TESC: variants seen among roughly 807,000 people sequenced by gnomAD.
The protein encoded by TESC is tescalcin.
TESC carries 19 observed loss-of-function variants against 31.0 expected under a neutral mutation model. That is an observed-to-expected ratio of 0.61 (90% confidence interval 0.43 to 0.90). TESC has a LOEUF of 0.90. TESC is among the 40% of genes least tolerant of loss of function. The pLI, the probability that TESC is intolerant of heterozygous loss-of-function variation, is 0.00. For synonymous variants in TESC, 109 were observed against 114.8 expected (o/e 0.95, Z 0.32); for missense variants, 248 against 303.8 (o/e 0.82, Z 1.36).
chr12:117,044,305 A>G (rs1954525678), intron 6 of TESC, among the ~76,000 whole-genome samples: 1 of 152,044 alleles, frequency 6.6e-6, no homozygotes, highest in Non-Finnish European at 1.5e-5. Flanking sequence ...AAAAAAAATG[A>G]AACCCAGCAG....
intron 7 of TESC, among the ~76,000 whole-genome samples, chr12:117,041,716 G>A (rs981218990): frequency 6.6e-6 from 1 of 152,198 alleles, no homozygotes; most frequent in African/African-American, 2.4e-5. Context: ...CTTTTGTACT[G>A]CTTACATTGT....
Position 117,075,209 on chromosome 12 carries a change from C to T in TESC, c.128+62G>A, listed in dbSNP as rs147607624. On this transcript the variant is annotated intron_variant, in intron 2 of 7. Coordinates refer to ENST00000335209, the MANE Select transcript of TESC (RefSeq NM_017899.4). The stretch of plus-strand genomic sequence containing the variant: ...GCTACTCAGCACTCAAGAAAAGAAA[C>T]AGGACAAGAAATTTGCAAGGGCATG... 11 of 1,534,898 alleles carry T rather than the reference C, an allele frequency of 7.2e-6. No homozygotes were observed. The East Asian group carries it at 2.3e-4, about 32-fold the overall frequency.
chr12:117,056,825 G>A lies in TESC; in HGVS notation c.190C>T (p.Arg64Cys), dbSNP rs751766984. ...ELNPIRSKIV[R>C]AFFDNRNLRK... Reference sequence around the variant, plus strand: ...GCCCACCTGTTGTCGAAGAAGGCACGAACAATTTTGGATCGGATGGGGTTG... The same window carrying A: ...GCCCACCTGTTGTCGAAGAAGGCACAAACAATTTTGGATCGGATGGGGTTG... Residue 64 changes from arginine to cysteine, a missense_variant, in exon 3 of 8, where the codon CGT becomes TGT. Transcript: ENST00000335209. The A allele has an allele frequency of 1.7e-5, 28 of 1,614,030 alleles. No homozygotes were observed. In the Middle Eastern group the frequency reaches 1.2e-3, roughly 66 times the overall value.
intron 4 of TESC, chr12:117,048,673 C>A (rs2291911): frequency 6.2e-6 from 3 of 485,200 alleles, no homozygotes; most frequent in African/African-American, 3.9e-5. Context: ...CACGCATGAT[C>A]GGCATACCCA....
At chr12:117,097,464 C>A (rs1368123073) in intron 1 of TESC, among the ~76,000 whole-genome samples, 1 of 152,108 alleles carries the variant, frequency 6.6e-6, no homozygotes, top group African/African-American at 2.4e-5. Flanking sequence ...GCCGGAGAGC[C>A]CACCCTTCCA....
chr12:117,086,845 T>C (rs1955225581), intron 1 of TESC, among the ~76,000 whole-genome samples: 1 of 152,236 alleles, frequency 6.6e-6, no homozygotes, highest in Non-Finnish European at 1.5e-5. Context: ...CAGGAGACGC[T>C]GGGGTTGCTG....
chr12:117,042,838 A>T (rs1254037912), intron 6 of TESC, among the ~76,000 whole-genome samples: 1 of 152,170 alleles, frequency 6.6e-6, no homozygotes, highest in Non-Finnish European at 1.5e-5. Flanking sequence ...CACGCTATTG[A>T]TTCCCACGCA....
rs1245090569 is a variant in TESC at position 117,044,910 on chromosome 12, A to G, written c.519+1649T>C. Among the ~76,000 whole-genome samples, 5 of 128,894 alleles carry G rather than the reference A, an allele frequency of 3.9e-5. No individual in the cohort carries two copies. The East Asian group carries it at 1.2e-3, about 31-fold the overall frequency. The allele number at this position is 128,894 out of a possible 152,430, so 84.6% of individuals were successfully genotyped here. A position where few individuals can be genotyped will look rare whatever the true frequency, so the allele number is the denominator to read the frequency against. Reference sequence around the variant, plus strand: ...AGACTTGGTCTCGGGAAAAAAAGAAAAAAAAGAGAGAGAGACAGATCCGCC... The same window carrying G: ...AGACTTGGTCTCGGGAAAAAAAGAAGAAAAAGAGAGAGAGACAGATCCGCC... On this transcript the variant is annotated intron_variant, in intron 6 of 7. Coordinates refer to ENST00000335209, the MANE Select transcript of TESC (RefSeq NM_017899.4).
At chr12:117,077,051 C>T (rs1344037876) in intron 1 of TESC, among the ~76,000 whole-genome samples, 2 of 152,192 alleles carry the variant, frequency 1.3e-5, no homozygotes, top group African/African-American at 4.8e-5. Context: ...GCTCCTGTTA[C>T]AGAGGCAGCT....
At chr12:117,049,519 C>T (rs1318285829) in intron 3 of TESC, among the ~76,000 whole-genome samples, 1 of 152,220 alleles carries the variant, frequency 6.6e-6, no homozygotes, top group Admixed American at 6.5e-5. Flanking sequence ...AGTACATCTC[C>T]TGATCCTTTC....
intron 1 of TESC, among the ~76,000 whole-genome samples, chr12:117,077,141 T>C (rs1210735355): frequency 6.6e-6 from 1 of 152,172 alleles, no homozygotes; most frequent in Non-Finnish European, 1.5e-5. Flanking sequence ...AACAGCTCAG[T>C]ATTCTCAAGC....
rs903427387 is a variant in TESC at position 117,093,070 on chromosome 12, G to A, written c.58+6155C>T. On this transcript the variant is annotated intron_variant, in intron 1 of 7. Transcript: ENST00000335209. ...GCTGTTCAGCTTACCAAGCTTTGGCGGACGACAGAACAGTGTGGAGCTGGC... is the reference window on the plus strand; with the variant it reads ...GCTGTTCAGCTTACCAAGCTTTGGCAGACGACAGAACAGTGTGGAGCTGGC... Among the ~76,000 whole-genome samples the A allele has an allele frequency of 7.9e-5, 12 of 152,174 alleles. No individual in the cohort carries two copies. In the East Asian group the frequency reaches 9.7e-4, roughly 12 times the overall value.
intron 1 of TESC, among the ~76,000 whole-genome samples, chr12:117,079,511 A>G (rs890240288): frequency 1.1e-4 from 16 of 151,976 alleles, no homozygotes; most frequent in Non-Finnish European, 2.4e-4. Flanking sequence ...GCAGTGAGCC[A>G]AGATCGTGCC....
At position 117,058,563 on chromosome 12, in the gene TESC, G is replaced by GT. The variant is rs1204277960; in HGVS notation, c.129-1678dup. Among the ~76,000 whole-genome samples, 3 of 97,340 alleles carry GT rather than the reference G, an allele frequency of 3.1e-5. 1 individual carries two copies. The highest frequency in any genetic ancestry group is 1.3e-4 in the African/African-American group (2 of 15,458). The allele number at this position is 97,340 out of a possible 152,430, so 63.9% of individuals were successfully genotyped here. A position where few individuals can be genotyped will look rare whatever the true frequency, so the allele number is the denominator to read the frequency against. ...ATGTAAATTACATTTCAGTAAAGCT[G>GT]TTAAAAAAAAAAAAAAAAAAAGCCA... On this transcript the variant is annotated intron_variant, in intron 2 of 7. Coordinates refer to ENST00000335209, the MANE Select transcript of TESC (RefSeq NM_017899.4).
At chr12:117,086,407 T>C (rs1387292091) in intron 1 of TESC, among the ~76,000 whole-genome samples, 3 of 151,918 alleles carry the variant, frequency 2.0e-5, no homozygotes, top group Non-Finnish European at 2.9e-5. Context: ...TGGCCTGAAC[T>C]GTATACTTTA....
At chr12:117,075,890 T>TAA (rs1955056386) in intron 1 of TESC, among the ~76,000 whole-genome samples, 1 of 74,776 alleles carries the variant, frequency 1.3e-5, no homozygotes. Context: ...TATATATATA[T>TAA]ATATATATAT....
At chr12:117,059,853 A>G (rs1300882623) in intron 2 of TESC, among the ~76,000 whole-genome samples, 2 of 150,584 alleles carry the variant, frequency 1.3e-5, no homozygotes, top group Non-Finnish European at 2.9e-5. Context: ...CAGCCTCCCA[A>G]AGTGCTGGGA....
At chr12:117,077,282 T>C (rs1272655099) in intron 1 of TESC, among the ~76,000 whole-genome samples, 2 of 152,198 alleles carry the variant, frequency 1.3e-5, no homozygotes, top group Non-Finnish European at 2.9e-5. Flanking sequence ...TTGTTACAGA[T>C]GTAGCCACTG....
At chr12:117,067,989 TCAAA>T (rs1593009000) in intron 2 of TESC, among the ~76,000 whole-genome samples, 1 of 152,124 alleles carries the variant, frequency 6.6e-6, no homozygotes, top group South Asian at 2.1e-4. Context: ...CCTCCCAGGC[TCAAA>T]CAATCTTCCC....
Sources: allele counts gnomAD v4.1 joint callset (sites outside exome capture counted in the v4.1 genomes callset), GRCh38; gene constraint gnomAD v4.1.1; transcripts MANE v1.5; gene names NCBI Gene and HGNC (gene_info 2026-07-23, HGNC 2026-07-21).